C3orf49: variants seen among roughly 807,000 people sequenced by gnomAD.
C3orf49 encodes putative uncharacterized protein C3orf49.
A neutral mutation model predicts 13.3 loss-of-function variants in C3orf49; 27 were observed. The observed-to-expected ratio is 2.02, with a 90% CI of 1.49 to 2.79. The LOEUF (loss-of-function observed/expected upper bound fraction) is 2.79. Among genes scored for constraint, C3orf49 ranks in the 30% most tolerant of loss-of-function variants. The pLI is 0.00. For synonymous variants in C3orf49, 87 were observed against 47.6 expected, an observed-to-expected ratio of 1.83 and a Z score of -3.40; for missense variants, 242 against 134.2, an observed-to-expected ratio of 1.80 and a Z score of -3.97.
At chr3:63,779,971 G>A in the C3orf49 span, 2 of 152,118 alleles carry the variant, frequency 1.3e-5, no homozygotes, top group African/African-American at 4.8e-5. Context: ...TTATTGTGCT[G>A]AGTTGAGTTT....
intron 5 of C3orf49, among the ~76,000 whole-genome samples, chr3:63,843,928 T>C (rs1331905286): frequency 6.6e-6 from 1 of 150,952 alleles, no homozygotes; most frequent in Admixed American, 6.6e-5. Flanking sequence ...ACTGTGGATG[T>C]GTGTGTATAT....
intron 1 of C3orf49, among the ~76,000 whole-genome samples, chr3:63,821,975 C>CT (rs1159300560): frequency 3.6e-4 from 54 of 148,420 alleles, no homozygotes; most frequent in East Asian, 7.9e-4. Context: ...GTATTTCTTT[C>CT]TTTTTTTTTT....
intron 3 of C3orf49, 126 bp downstream of exon 3, chr3:63,827,851 G>C (rs1701484779): frequency 1.8e-6 from 1 of 564,888 alleles, no homozygotes; most frequent in African/African-American, 1.9e-5. Context: ...TGCTGCTTCT[G>C]TCTCCTCTCC....
At position 63,835,136 on chromosome 3, in the gene C3orf49, G is replaced by C. The variant is rs750026360; in HGVS notation, c.849+3292G>C. On this transcript the variant is annotated intron_variant, in intron 5 of 6. Transcript: ENST00000295896. ...AAAAATCTTCATAAGCATTTACTTT[G>C]AGACTATTTCTACTTACTTTCCAAT... 1.1e-5 allele frequency: 18 copies of C among 1,611,422 alleles called. No individual in the cohort carries two copies. In the East Asian group the frequency reaches 4.0e-4, roughly 36 times the overall value.
chr3:63,843,349 C>T (rs773748496), intron 5 of C3orf49, among the ~76,000 whole-genome samples: 22 of 151,364 alleles, frequency 1.5e-4, no homozygotes, highest in Non-Finnish European at 3.1e-4. Context: ...AACTTCTGAC[C>T]TCAAATGATC....
chr3:63,803,064 G>A, the C3orf49 span, among the ~76,000 whole-genome samples: 1 of 152,132 alleles, frequency 6.6e-6, no homozygotes, highest in African/African-American at 2.4e-5. Context: ...CAATACCAAG[G>A]TTTGGCAAGG....
At chr3:63,820,168 C>T (rs570437464) in intron 1 of C3orf49, among the ~76,000 whole-genome samples, 1 of 151,996 alleles carries the variant, frequency 6.6e-6, no homozygotes, top group Non-Finnish European at 1.5e-5. Flanking sequence ...ATTTATTTTC[C>T]AATTTCTTTG....
the C3orf49 span, among the ~76,000 whole-genome samples, chr3:63,783,525 T>TACACACACACACACACACAC: frequency 1.5e-5 from 2 of 131,950 alleles, no homozygotes; most frequent in African/African-American, 5.8e-5. Context: ...TACTAAAAAT[T>TACACACACACACACACACAC]ACACACACAC....
At chr3:63,799,698 G>A in the C3orf49 span, among the ~76,000 whole-genome samples, 6 of 152,016 alleles carry the variant, frequency 3.9e-5, no homozygotes, top group Admixed American at 3.9e-4. Context: ...ATTATAATGA[G>A]AGAAAGCAAT....
chr3:63,789,939 A>C, the C3orf49 span, among the ~76,000 whole-genome samples: 6 of 152,074 alleles, frequency 3.9e-5, no homozygotes, highest in Admixed American at 6.6e-5. Flanking sequence ...CCTCTCATAC[A>C]TCCACTTTAT....
the C3orf49 span, among the ~76,000 whole-genome samples, chr3:63,780,468 A>G: frequency 2.6e-5 from 4 of 152,220 alleles, no homozygotes; most frequent in Non-Finnish European, 4.4e-5. Context: ...GTGTCCTTAC[A>G]GCAGCATGTT....
chr3:63,796,727 T>A, the C3orf49 span, among the ~76,000 whole-genome samples: 1 of 152,180 alleles, frequency 6.6e-6, no homozygotes, highest in Non-Finnish European at 1.5e-5. Context: ...TCATTTCACT[T>A]ACGCACTTGA....
At chr3:63,835,362 C>T in intron 5 of C3orf49, 1 of 1,613,436 alleles carries the variant, frequency 6.2e-7, no homozygotes, top group Non-Finnish European at 8.5e-7. Context: ...GAAAGATGCT[C>T]TAATTCTTTT....
At chr3:63,792,410 T>C in the C3orf49 span, among the ~76,000 whole-genome samples, 5 of 152,246 alleles carry the variant, frequency 3.3e-5, no homozygotes, top group Admixed American at 3.3e-4. Context: ...TTGCCTCCAT[T>C]CTCAAGTTTA....
At chr3:63,812,579 AT>A in the C3orf49 span, among the ~76,000 whole-genome samples, 1 of 152,094 alleles carries the variant, frequency 6.6e-6, no homozygotes, top group African/African-American at 2.4e-5. Context: ...ATTTATCCTT[AT>A]TTTACTTGAT....
chr3:63,813,655 G>A, the C3orf49 span, among the ~76,000 whole-genome samples: 2 of 152,216 alleles, frequency 1.3e-5, no homozygotes, highest in Non-Finnish European at 2.9e-5. Context: ...TCACCCCTTG[G>A]TAAGGAGTCT....
chr3:63,794,646 C>T, the C3orf49 span, among the ~76,000 whole-genome samples: 1 of 152,154 alleles, frequency 6.6e-6, no homozygotes, highest in Non-Finnish European at 1.5e-5. Context: ...CCAAAGATCT[C>T]CTTTCATTCA....
At chr3:63,825,329 A>T (rs1339815312) in intron 2 of C3orf49, among the ~76,000 whole-genome samples, 3 of 152,212 alleles carry the variant, frequency 2.0e-5, no homozygotes, top group African/African-American at 7.2e-5. Context: ...AACAAAAAAA[A>T]ACCCTGATGG....
At chr3:63,816,758 T>G (rs890414920), upstream of C3orf49, among the ~76,000 whole-genome samples, 17 of 94,332 alleles carry the variant, frequency 1.8e-4, no homozygotes, top group African/African-American at 5.0e-4. Context: ...TTCCACATTT[T>G]CTTTTCTTTT....
Sources: gnomAD v4.1 joint callset for allele counts (sites outside exome capture counted in the v4.1 genomes callset) on GRCh38, gnomAD v4.1.1 for gene constraint, MANE v1.5 for transcripts, NCBI Gene and HGNC (gene_info 2026-07-23, HGNC 2026-07-21) for gene names.